The following EMCN variants were observed in gnomAD, a reference collection of about 807,000 sequenced individuals.
EMCN encodes MUC-14.
In EMCN, 37 loss-of-function variants were observed where a neutral mutation model predicts 38.4. The ratio of observed to expected loss-of-function variants is 0.96; its 90% CI spans 0.74 to 1.27. The LOEUF (loss-of-function observed/expected upper bound fraction) is 1.27, where lower values mean the gene tolerates loss of function less well. Ranked by LOEUF, EMCN falls within the 50% of genes most tolerant of loss-of-function variation. The pLI is 0.00. For synonymous variants in EMCN, 95 were observed against 100.8 expected, an observed-to-expected ratio of 0.94 and a Z score of 0.35; for missense variants, 318 against 302.8, an observed-to-expected ratio of 1.05 and a Z score of -0.37.
intron 2 of EMCN, among the ~76,000 whole-genome samples, chr4:100,476,072 A>G (rs1324954100): frequency 1.3e-5 from 2 of 152,094 alleles, no homozygotes; most frequent in Non-Finnish European, 2.9e-5. Context: ...CATATAACAT[A>G]TGAAAATCAA....
intron 3 of EMCN, among the ~76,000 whole-genome samples, chr4:100,466,117 A>AAT (rs1326432433): frequency 1.3e-5 from 2 of 152,208 alleles, no homozygotes; most frequent in Non-Finnish European, 2.9e-5. Context: ...TTACAACAAA[A>AAT]ATATAGGCTG....
At chr4:100,491,690 A>G (rs1460940266) in intron 1 of EMCN, among the ~76,000 whole-genome samples, 1 of 152,136 alleles carries the variant, frequency 6.6e-6, no homozygotes, top group African/African-American at 2.4e-5. Flanking sequence ...GCCCAACATG[A>G]GGTGGTTGCA....
chr4:100,412,389 G>A (rs1421661517), intron 10 of EMCN, among the ~76,000 whole-genome samples: 3 of 152,034 alleles, frequency 2.0e-5, no homozygotes, highest in Admixed American at 1.3e-4. Flanking sequence ...ACTCTAAATG[G>A]TTCAAAATCA....
chr4:100,441,251 T>G (rs779971744), intron 5 of EMCN, among the ~76,000 whole-genome samples: 33 of 152,222 alleles, frequency 2.2e-4, no homozygotes, highest in Admixed American at 6.5e-4. Flanking sequence ...GACCCCTTTA[T>G]CATTAAATAA....
At chr4:100,497,382 TG>T (rs1328376463) in intron 1 of EMCN, among the ~76,000 whole-genome samples, 1 of 151,816 alleles carries the variant, frequency 6.6e-6, no homozygotes, top group Admixed American at 6.6e-5. Flanking sequence ...TTTGTTTGTT[TG>T]TTTTTTTTTT....
intron 1 of EMCN, 85 bp downstream of exon 1, chr4:100,517,766 G>T: frequency 8.2e-7 from 1 of 1,222,900 alleles, no homozygotes; most frequent in Non-Finnish European, 1.2e-6. Flanking sequence ...AGTGTCAGGG[G>T]AAGATCCCTG....
intron 2 of EMCN, among the ~76,000 whole-genome samples, chr4:100,477,197 T>C (rs1049865212): frequency 6.6e-6 from 1 of 152,218 alleles, no homozygotes; most frequent in African/African-American, 2.4e-5. Flanking sequence ...AACTCTAGTA[T>C]TGAAAAATAC....
chr4:100,417,091 AC>A (rs1726757147), intron 9 of EMCN, 25 bp downstream of exon 9: 1 of 1,611,836 alleles, frequency 6.2e-7, no homozygotes, highest in Non-Finnish European at 8.5e-7. Context: ...TAGGGTCTAA[AC>A]AAAAGATGAT....
At chr4:100,467,599 A>G (rs1163512424) in intron 3 of EMCN, among the ~76,000 whole-genome samples, 1 of 150,138 alleles carries the variant, frequency 6.7e-6, no homozygotes, top group Non-Finnish European at 1.5e-5. Context: ...GGAGAATGGC[A>G]TGAACCCAAG....
intron 5 of EMCN, among the ~76,000 whole-genome samples, chr4:100,426,188 A>G (rs554241284): frequency 3.3e-5 from 5 of 152,224 alleles, no homozygotes; most frequent in Admixed American, 1.3e-4. Flanking sequence ...TGCTATAATA[A>G]TGCTCCTCAC....
chr4:100,419,084 A>AT (rs1173290804), intron 8 of EMCN, among the ~76,000 whole-genome samples: 5 of 151,908 alleles, frequency 3.3e-5, no homozygotes, highest in African/African-American at 1.2e-4. Flanking sequence ...CTGTTTTAAT[A>AT]TTTTTTCCCT....
intron 2 of EMCN, among the ~76,000 whole-genome samples, chr4:100,479,352 T>C (rs1041599245): frequency 6.6e-6 from 1 of 152,166 alleles, no homozygotes; most frequent in African/African-American, 2.4e-5. Flanking sequence ...ATGCATTGCA[T>C]TGATAATCTC....
chr4:100,444,082 C>A (rs992325966), intron 5 of EMCN, among the ~76,000 whole-genome samples: 1 of 152,190 alleles, frequency 6.6e-6, no homozygotes, highest in Non-Finnish European at 1.5e-5. Flanking sequence ...GTAGCTTGGA[C>A]CTTGGTGGGA....
At chr4:100,485,832 GA>G (rs1462147834) in intron 1 of EMCN, among the ~76,000 whole-genome samples, 1 of 151,818 alleles carries the variant, frequency 6.6e-6, no homozygotes, top group Non-Finnish European at 1.5e-5. Flanking sequence ...TCAGTTAAAA[GA>G]AAAAAATTAT....
At chr4:100,487,520 G>C (rs1728971885) in intron 1 of EMCN, among the ~76,000 whole-genome samples, 1 of 152,174 alleles carries the variant, frequency 6.6e-6, no homozygotes, top group South Asian at 2.1e-4. Context: ...AGAGTTAGGA[G>C]TTGTGTCCCC....
At chr4:100,490,967 T>C (rs952037591) in intron 1 of EMCN, among the ~76,000 whole-genome samples, 2 of 152,256 alleles carry the variant, frequency 1.3e-5, no homozygotes, top group African/African-American at 4.8e-5. Flanking sequence ...ATGTTTTTAC[T>C]GAGAAATGTC....
rs199958813 is a variant in EMCN, at chr4:100,492,997, CAT to C, written c.65-12960_65-12959del. The stretch of plus-strand genomic sequence containing the variant: ...TTTTGTGCAGATCTAGAGATTAAAA[CAT>C]ATAAAAAGTTAAGAAGTACAGCTAA... On this transcript the variant is annotated intron_variant, in intron 1 of 11. Transcript: ENST00000296420. Among the ~76,000 whole-genome samples, 737 of 152,208 alleles carry C rather than the reference CAT, an allele frequency of 4.8e-3. 7 individuals are homozygous for C. Among genetic ancestry groups the C allele is most frequent in the Non-Finnish European group, 8.0e-3 (541 of 68,006 alleles).
chr4:100,485,344 T>C (rs938548939), intron 1 of EMCN, among the ~76,000 whole-genome samples: 6 of 152,136 alleles, frequency 3.9e-5, no homozygotes, highest in African/African-American at 1.4e-4. Context: ...TTTTCAGTTA[T>C]GATTTTGTGC....
intron 11 of EMCN, among the ~76,000 whole-genome samples, chr4:100,401,905 C>A (rs972446605): frequency 2.0e-5 from 3 of 152,124 alleles, no homozygotes; most frequent in African/African-American, 7.2e-5. Flanking sequence ...TCCCCCTTGA[C>A]AACAGTGCAG....
Sources: allele counts gnomAD v4.1 joint callset (sites outside exome capture counted in the v4.1 genomes callset), GRCh38; gene constraint gnomAD v4.1.1; transcripts MANE v1.5; gene names NCBI Gene and HGNC (gene_info 2026-07-23, HGNC 2026-07-21).